Variants in TIMP2 observed in about 807,000 individuals in gnomAD.
The protein encoded by TIMP2 is metalloproteinase inhibitor 2.
In TIMP2, 5 loss-of-function variants were observed where a neutral mutation model predicts 24.3. The ratio of observed to expected loss-of-function variants is 0.21; its 90% CI spans 0.11 to 0.43. The LOEUF (loss-of-function observed/expected upper bound fraction) is 0.43. Among genes scored for constraint, TIMP2 ranks in the 20% least tolerant of loss-of-function variants. The pLI, the probability that TIMP2 is intolerant of heterozygous loss-of-function variation, is 1.00. For synonymous variants in TIMP2, 130 were observed against 123.2 expected (o/e 1.06, Z -0.37); for missense variants, 221 against 297.5 (o/e 0.74, Z 1.89).
intron 1 of TIMP2, among the ~76,000 whole-genome samples, chr17:78,885,917 C>A (rs1045249863): frequency 4.6e-5 from 7 of 152,142 alleles, no homozygotes; most frequent in African/African-American, 1.4e-4. Context: ...CCAGCTGTGC[C>A]AAGGTGACCA....
chr17:78,875,200 C>CA (rs996683879), intron 1 of TIMP2, among the ~76,000 whole-genome samples: 20 of 152,272 alleles, frequency 1.3e-4, no homozygotes, highest in African/African-American at 4.8e-4. Context: ...TACAGTAACA[C>CA]AGAGTCTATC....
rs984838939 is a variant in TIMP2 at position 78,887,698 on chromosome 17, T to C, written c.131-13779A>G. Among the ~76,000 whole-genome samples, 5 of 147,648 alleles carry C rather than the reference T, an allele frequency of 3.4e-5. No individual in the cohort carries two copies. The Admixed American group carries it at 3.4e-4, about 10-fold the overall frequency. ...ACGCGCCCAGCCTCATATTTGTAAA[T>C]TAAATATTTTATAAGAGCAGGTCAA... is the stretch of plus-strand genomic sequence containing the variant. On this transcript the variant is annotated intron_variant, in intron 1 of 4. Transcript: ENST00000262768.
intron 1 of TIMP2, among the ~76,000 whole-genome samples, chr17:78,900,332 C>T (rs995269938): frequency 3.3e-5 from 5 of 152,036 alleles, no homozygotes; most frequent in South Asian, 2.1e-4. Context: ...GATCACCTCA[C>T]GACAGGAGTT....
rs2070297606 is a variant in TIMP2, at chr17:78,920,059, C to G, written c.130+4900G>C. Among the ~76,000 whole-genome samples the G allele has an allele frequency of 6.6e-6, 1 of 152,168 alleles. No homozygotes were observed. The highest frequency in any genetic ancestry group is 1.5e-5 in the Non-Finnish European group (1 of 68,042). On this transcript the variant is annotated intron_variant, in intron 1 of 4. Transcript: ENST00000262768. The surrounding 1 kb of genome is among the most constrained non-coding windows in gnomAD (Gnocchi z 4.5). ...GCTGCCTGGGAAGCCTCGGGCAGAC[C>G]TCTTTGTTGTTTCCGAACCCAAGAC... is the stretch of plus-strand genomic sequence containing the variant.
chr17:78,876,935 G>A (rs1231632770), intron 1 of TIMP2, among the ~76,000 whole-genome samples: 1 of 151,988 alleles, frequency 6.6e-6, no homozygotes, highest in Non-Finnish European at 1.5e-5. Context: ...GTCTTCCTCT[G>A]GGAAATCCTG....
At chr17:78,917,233 C>T (rs2070266928) in intron 1 of TIMP2, among the ~76,000 whole-genome samples, 1 of 123,552 alleles carries the variant, frequency 8.1e-6, no homozygotes, top group East Asian at 2.3e-4. Context: ...GCCTGGGCGA[C>T]AGAGCGAGAC....
intron 1 of TIMP2, among the ~76,000 whole-genome samples, chr17:78,892,832 G>C (rs1309857891): frequency 6.6e-6 from 1 of 152,212 alleles, no homozygotes; most frequent in Non-Finnish European, 1.5e-5. Context: ...GCCCAAGACA[G>C]TGAATAACCT....
At chr17:78,856,041 C>T in intron 4 of TIMP2, 177 bp from the exon 5 acceptor site, 1 of 651,882 alleles carries the variant, frequency 1.5e-6, no homozygotes, top group Non-Finnish European at 2.7e-6. Flanking sequence ...GCGAGGGGGT[C>T]TAACCTGCAG....
intron 1 of TIMP2, among the ~76,000 whole-genome samples, chr17:78,911,720 C>A (rs907399800): frequency 3.3e-4 from 50 of 152,068 alleles, no homozygotes; most frequent in African/African-American, 1.1e-3. Flanking sequence ...CATGAGCCAC[C>A]CCACCTGGCC....
intron 1 of TIMP2, among the ~76,000 whole-genome samples, chr17:78,911,212 G>C (rs902203787): frequency 1.3e-5 from 2 of 152,158 alleles, no homozygotes; most frequent in African/African-American, 4.8e-5. Context: ...GGAGGAACCA[G>C]GCTGTCGCAG....
At chr17:78,905,064 A>AG (rs1878191076) in intron 1 of TIMP2, 1 of 151,890 alleles carries the variant, frequency 6.6e-6, no homozygotes, top group East Asian at 1.9e-4. Context: ...CGCTTGAACC[A>AG]GGGAAGTGAA....
intron 3 of TIMP2, among the ~76,000 whole-genome samples, chr17:78,863,750 G>A (rs1199992433): frequency 6.6e-6 from 1 of 152,070 alleles, no homozygotes; most frequent in African/African-American, 2.4e-5. Context: ...GCGTGTATGG[G>A]TCACTGTCAT....
rs879594906 is a variant in TIMP2, at chr17:78,893,116, CACATGTGTGTGCAGGGGTGTGTGTGCGT to C, written c.131-19225_131-19198del. ...GGGTGTGTGTGGGTGTGTGCACATGCACATGTGTGTGCAGGGGTGTGTGTGCGTACATGTGTGTGCAGGGGTGTGTGTG... is the reference window on the plus strand; with the variant it reads ...GGGTGTGTGTGGGTGTGTGCACATGCACATGTGTGTGCAGGGGTGTGTGTG... On this transcript the variant is annotated intron_variant, in intron 1 of 4. Coordinates refer to ENST00000262768, the MANE Select transcript of TIMP2 (RefSeq NM_003255.5). Among the ~76,000 whole-genome samples, 414 of 143,124 alleles carry C rather than the reference CACATGTGTGTGCAGGGGTGTGTGTGCGT, an allele frequency of 2.9e-3. 2 individuals are homozygous for C. Among genetic ancestry groups the C allele is most frequent in the Middle Eastern group, 0.012 (3 of 244 alleles). The allele number at this position is 143,124 out of a possible 152,430, so 93.9% of individuals were successfully genotyped here. A position where few individuals can be genotyped will look rare whatever the true frequency, so the allele number is the denominator to read the frequency against.
intron 1 of TIMP2, among the ~76,000 whole-genome samples, chr17:78,903,505 C>A (rs1164752699): frequency 6.6e-6 from 1 of 152,108 alleles, no homozygotes; most frequent in South Asian, 2.1e-4. Flanking sequence ...AGCTGTCAGG[C>A]CATTAAGGAG....
At chr17:78,860,563 G>A (rs1262549480) in intron 3 of TIMP2, among the ~76,000 whole-genome samples, 1 of 152,182 alleles carries the variant, frequency 6.6e-6, no homozygotes, top group Non-Finnish European at 1.5e-5. Flanking sequence ...AGCTCCCTGG[G>A]TTTGAATTCT....
chr17:78,919,581 T>C (rs1305313680), intron 1 of TIMP2, among the ~76,000 whole-genome samples: 5 of 152,164 alleles, frequency 3.3e-5, no homozygotes, highest in Admixed American at 3.3e-4. Context: ...AAGCCTGTAA[T>C]CTCAACACTT....
At chr17:78,909,491 T>TCC (rs139474970) in intron 1 of TIMP2, among the ~76,000 whole-genome samples, 313 of 144,394 alleles carry the variant, frequency 2.2e-3, no homozygotes, top group Non-Finnish European at 3.6e-3. Context: ...CCCAGTCCTT[T>TCC]CTCCCTCATG....
intron 1 of TIMP2, among the ~76,000 whole-genome samples, chr17:78,877,243 T>C (rs2069735370): frequency 1.3e-5 from 2 of 152,242 alleles, no homozygotes; most frequent in Non-Finnish European, 2.9e-5. Context: ...CCAGATTAAC[T>C]TGGTCAAAGT....
At chr17:78,864,959 C>T (rs1196900507) in intron 3 of TIMP2, among the ~76,000 whole-genome samples, 1 of 152,070 alleles carries the variant, frequency 6.6e-6, no homozygotes, top group Non-Finnish European at 1.5e-5. Flanking sequence ...GAGGCTGAGG[C>T]AGGAAAATTG....
Sources: allele counts gnomAD v4.1 joint callset (sites outside exome capture counted in the v4.1 genomes callset), GRCh38; gene constraint gnomAD v4.1.1; non-coding constraint Gnocchi (gnomAD v3.1); transcripts MANE v1.5; gene names NCBI Gene and HGNC (gene_info 2026-07-23, HGNC 2026-07-21).